ADAMTS14: variants seen among roughly 807,000 people sequenced by gnomAD.
ADAMTS14 encodes ADAM metallopeptidase with thrombospondin type 1 motif 14, also known as A disintegrin and metalloproteinase with thrombospondin motifs 14.
Under a neutral mutation model 128.6 loss-of-function variants are expected in ADAMTS14, and 100 were observed. The observed-to-expected ratio is 0.78, with a 90% CI of 0.66 to 0.92. ADAMTS14 has a LOEUF of 0.92. ADAMTS14 is among the 40% of genes least tolerant of loss of function. ADAMTS14 has a pLI of 0.00. For missense variants in ADAMTS14, 1,562 were observed against 1,658.6 expected, an observed-to-expected ratio of 0.94 and a Z score of 1.01; for synonymous variants, 665 against 653.8, an observed-to-expected ratio of 1.02 and a Z score of -0.26.
Position 70,702,437 on chromosome 10 carries a change from G to T in ADAMTS14, c.648G>T (p.Trp216Cys), listed in dbSNP as rs756187663. 1 of 1,612,894 alleles carries T rather than the reference G, an allele frequency of 6.2e-7. No individual in the cohort carries two copies. Among genetic ancestry groups the T allele is most frequent in the South Asian group, 1.1e-5 (1 of 90,864 alleles). Residue 216 changes from tryptophan to cysteine, a missense_variant, in exon 3 of 22, where the codon TGG (tryptophan) becomes TGT (cysteine). By Grantham distance (215) the Trp-to-Cys change is radical. Transcript: ENST00000373207. ...VYRREAVQQE[W>C]AEPDGDLHNE... is the part of the protein sequence containing the mutation. The stretch of plus-strand genomic sequence containing the variant: ...GCCGGGAGGCCGTCCAGCAGGAGTG[G>T]GCAGAACCTGACGGGGACCTGCACA...
chr10:70,701,979 G>A (rs1292483287), intron 2 of ADAMTS14, among the ~76,000 whole-genome samples: 1 of 152,206 alleles, frequency 6.6e-6, no homozygotes, highest in East Asian at 1.9e-4. Context: ...TATGGCAGTG[G>A]CTTTTGTGCC....
intron 4 of ADAMTS14, among the ~76,000 whole-genome samples, chr10:70,714,020 A>G (rs1840940686): frequency 6.6e-6 from 1 of 152,106 alleles, no homozygotes; most frequent in African/African-American, 2.4e-5. Context: ...GCAAGTCCCC[A>G]TTTCTACAAA....
chr10:70,725,207 A>AAAGGGAGCAG (rs1170431608), intron 4 of ADAMTS14, among the ~76,000 whole-genome samples: 1 of 152,082 alleles, frequency 6.6e-6, no homozygotes, highest in African/African-American at 2.4e-5. Flanking sequence ...CCGTCCCCAG[A>AAAGGGAGCAG]AAGGGAGCAG....
At chr10:70,718,582 C>T (rs1189159044) in intron 4 of ADAMTS14, among the ~76,000 whole-genome samples, 5 of 151,770 alleles carry the variant, frequency 3.3e-5, no homozygotes, top group Non-Finnish European at 5.9e-5. Context: ...GATGGGGATT[C>T]GCTGTGTTGG....
At chr10:70,692,010 C>A (rs1428529266) in intron 2 of ADAMTS14, among the ~76,000 whole-genome samples, 2 of 152,100 alleles carry the variant, frequency 1.3e-5, no homozygotes, top group African/African-American at 2.4e-5. Context: ...TTGAAAGCCT[C>A]CAGGGTTTGG....
intron 4 of ADAMTS14, among the ~76,000 whole-genome samples, chr10:70,714,725 A>G (rs969101807): frequency 6.6e-6 from 1 of 152,106 alleles, no homozygotes; most frequent in Non-Finnish European, 1.5e-5. Flanking sequence ...AGGCAGGTGT[A>G]TCACCTAAGG....
Position 70,736,780 on chromosome 10 carries a change from G to A in ADAMTS14, c.1586G>A (p.Cys529Tyr), listed in dbSNP as rs779528592. The A allele has an allele frequency of 3.7e-6, 6 of 1,613,666 alleles. No individual in the cohort carries two copies. Among genetic ancestry groups the A allele is most frequent in the Admixed American group, 3.3e-5 (2 of 59,988 alleles). Residue 529 changes from cysteine to tyrosine, a missense_variant, in exon 10 of 22, where the codon TGT becomes TAT. By Grantham distance (194) the Cys-to-Tyr change is radical. Coordinates refer to ENST00000373207, the MANE Select transcript of ADAMTS14 (RefSeq NM_080722.4). ...KKGPPLDGTE[C>Y]APGKWCFKGH... is the part of the protein sequence containing the mutation. The stretch of plus-strand genomic sequence containing the variant: ...GGGCCCCCGCTGGATGGGACTGAGT[G>A]TGCACCCGGCAAGGTACCTGTGGGG...
chr10:70,745,092 A>C, intron 14 of ADAMTS14, 134 bp from the exon 15 acceptor site: 1 of 787,222 alleles, frequency 1.3e-6, no homozygotes, highest in Non-Finnish European at 2.0e-6. Flanking sequence ...TTTACAAATG[A>C]GGATACAGAG....
At chr10:70,698,513 C>T (rs939768758) in intron 2 of ADAMTS14, among the ~76,000 whole-genome samples, 8 of 152,194 alleles carry the variant, frequency 5.3e-5, no homozygotes, top group East Asian at 1.9e-4. Context: ...TCTTGCCTCC[C>T]GGTCTGGTGG....
At chr10:70,686,274 CTTTTTTTTTTTTT>C (rs5785998) in intron 2 of ADAMTS14, among the ~76,000 whole-genome samples, 1 of 125,336 alleles carries the variant, frequency 8.0e-6, no homozygotes, top group African/African-American at 3.0e-5. Flanking sequence ...TCAGCCTTTG[CTTTTTTTTTTTTT>C]TTTTAATTTA....
intron 2 of ADAMTS14, among the ~76,000 whole-genome samples, chr10:70,678,594 G>A (rs563670674): frequency 2.7e-4 from 41 of 151,950 alleles, no homozygotes; most frequent in African/African-American, 8.9e-4. Context: ...TAGAAGACAC[G>A]CGGGGCAGGG....
At chr10:70,713,181 A>G (rs1460288202) in intron 4 of ADAMTS14, among the ~76,000 whole-genome samples, 1 of 152,142 alleles carries the variant, frequency 6.6e-6, no homozygotes, top group Non-Finnish European at 1.5e-5. Context: ...TCTTGGTTGG[A>G]CTGAGGTGTC....
At chr10:70,678,610 T>C (rs547192578) in intron 2 of ADAMTS14, among the ~76,000 whole-genome samples, 1 of 148,892 alleles carries the variant, frequency 6.7e-6, no homozygotes, top group Admixed American at 6.6e-5. Context: ...CAGGGGGGCT[T>C]GGTCTGACCT....
At position 70,743,695 on chromosome 10, in the gene ADAMTS14, C is replaced by G. The variant is rs1184534547; in HGVS notation, c.2058+14C>G. On this transcript the variant is annotated intron_variant, in intron 13 of 21. Transcript: ENST00000373207. ...GGCGAGTGTGTGGTGGGTGCACCCC[C>G]AGCCACCCCGACTACCGGCACAGGG... 6.4e-7 allele frequency: 1 copy of G among 1,560,062 alleles called. No individual in the cohort carries two copies. Among genetic ancestry groups the G allele is most frequent in the Non-Finnish European group, 8.7e-7 (1 of 1,151,776 alleles).
At chr10:70,729,901 G>T (rs948056670) in intron 5 of ADAMTS14, among the ~76,000 whole-genome samples, 4 of 152,218 alleles carry the variant, frequency 2.6e-5, no homozygotes, top group Non-Finnish European at 5.9e-5. Flanking sequence ...TCTCAGCATG[G>T]TGCTTGGCAC....
chr10:70,730,146 G>A lies in ADAMTS14; in HGVS notation c.999G>A (p.Glu333=). Reference sequence around the variant, plus strand: ...GCGGGAACCCCTCACGCAGCCTGGAGCAGGTGTGTCGCTGGGCACACTCCC... The same window carrying A: ...GCGGGAACCCCTCACGCAGCCTGGAACAGGTGTGTCGCTGGGCACACTCCC... ...IERGNPSRSL[E]QVCRWAHSQQ... Residue 333 remains glutamate, a synonymous_variant, in exon 6 of 22, where the codon GAG becomes GAA. Coordinates refer to ENST00000373207, the MANE Select transcript of ADAMTS14 (RefSeq NM_080722.4). The A allele has an allele frequency of 1.2e-6, 2 of 1,612,344 alleles. No individual in the cohort carries two copies. Among genetic ancestry groups the A allele is most frequent in the Non-Finnish European group, 1.7e-6 (2 of 1,179,968 alleles).
In ADAMTS14 at chr10:70,736,805, G is replaced by T; in HGVS notation, c.1599+12G>T. The T allele has an allele frequency of 1.2e-6, 2 of 1,612,202 alleles. No individual in the cohort carries two copies. Among genetic ancestry groups the T allele is most frequent in the Non-Finnish European group, 1.7e-6 (2 of 1,178,752 alleles). On this transcript the variant is annotated intron_variant, in intron 10 of 21. Coordinates refer to ENST00000373207, the MANE Select transcript of ADAMTS14 (RefSeq NM_080722.4). ...GTGCACCCGGCAAGGTACCTGTGGG[G>T]TGTGCAGCAGGAGTGGCCTTCCTGG...
chr10:70,700,547 G>A (rs1273168415), intron 2 of ADAMTS14, among the ~76,000 whole-genome samples: 1 of 152,180 alleles, frequency 6.6e-6, no homozygotes, highest in Non-Finnish European at 1.5e-5. Flanking sequence ...TGAAGCTGGT[G>A]TAGGAGGAGC....
In ADAMTS14 at chr10:70,760,910, C is replaced by T; in HGVS notation, c.*57C>T. On this transcript the variant is annotated 3_prime_UTR_variant, in exon 22 of 22. Coordinates refer to ENST00000373207, the MANE Select transcript of ADAMTS14 (RefSeq NM_080722.4). ...CACTCTGTGTACTGCCCCGTGACTC[C>T]CAGCTCAGAGGACACACATAGCAGG... 1.3e-6 allele frequency: 2 copies of T among 1,504,112 alleles called. No individual in the cohort carries two copies. The highest frequency in any genetic ancestry group is 1.8e-6 in the Non-Finnish European group (2 of 1,127,114). The allele number at this position is 1,504,112 out of a possible 1,614,324, so 93.2% of individuals were successfully genotyped here.
Sources: allele counts gnomAD v4.1 joint callset (sites outside exome capture counted in the v4.1 genomes callset), GRCh38; gene constraint gnomAD v4.1.1; transcripts MANE v1.5; gene names NCBI Gene and HGNC (gene_info 2026-07-23, HGNC 2026-07-21).